The following MAP2 variants were observed in gnomAD, a reference collection of about 807,000 sequenced individuals.
The protein encoded by MAP2 is microtubule-associated protein 2.
Under a neutral mutation model 137.6 loss-of-function variants are expected in MAP2, and 14 were observed. That is an observed-to-expected ratio of 0.10 (90% CI 0.07 to 0.16). The LOEUF is 0.16. MAP2 is among the 10% of genes least tolerant of loss of function. The probability of loss-of-function intolerance (pLI) is 1.00; values close to 1 mark genes in which losing one functional copy is unlikely to be tolerated. For synonymous variants in MAP2, 786 were observed against 782.3 expected (o/e 1.00, Z -0.08); for missense variants, 2,088 against 2,191.5 (o/e 0.95, Z 0.94).
intron 2 of MAP2, among the ~76,000 whole-genome samples, chr2:209,526,491 T>C (rs2064072373): frequency 6.6e-6 from 1 of 151,538 alleles, no homozygotes; most frequent in Non-Finnish European, 1.5e-5. Context: ...TTGGTTTGTT[T>C]CTTTATTTTT....
At chr2:209,631,005 C>CAAAAAAAAAAA (rs776266690) in intron 4 of MAP2, among the ~76,000 whole-genome samples, 913 of 42,134 alleles carry the variant, frequency 0.022, 393 homozygotes, top group Middle Eastern at 0.048. Context: ...GAGCTACAAG[C>CAAAAAAAAAAA]AAAAAAAAAA....
intron 1 of MAP2, among the ~76,000 whole-genome samples, chr2:209,497,063 T>A (rs948866834): frequency 2.0e-5 from 3 of 152,172 alleles, no homozygotes; most frequent in Non-Finnish European, 2.9e-5. Context: ...ATTAGAGGTG[T>A]GAGCCACCAT....
At chr2:209,656,375 G>A (rs1052115924) in intron 5 of MAP2, among the ~76,000 whole-genome samples, 3 of 152,018 alleles carry the variant, frequency 2.0e-5, no homozygotes, top group African/African-American at 4.8e-5. Flanking sequence ...CGGGTATGAT[G>A]TCACACACCT....
intron 13 of MAP2, 22 bp downstream of exon 13, chr2:209,710,276 A>G: frequency 6.6e-7 from 1 of 1,521,822 alleles, no homozygotes; most frequent in Non-Finnish European, 8.9e-7. Flanking sequence ...ATGAACACAT[A>G]TTTGCTGCCA....
intron 2 of MAP2, among the ~76,000 whole-genome samples, chr2:209,540,077 G>A (rs1288348022): frequency 7.0e-6 from 1 of 143,828 alleles, no homozygotes; most frequent in Non-Finnish European, 1.5e-5. Flanking sequence ...CTCGAGACTG[G>A]GTGACAGAGG....
Position 209,532,583 on chromosome 2 carries a change from C to G in MAP2, c.-172+24942C>G, listed in dbSNP as rs144208797. On this transcript the variant is annotated intron_variant, in intron 2 of 15. Transcript: ENST00000682079. Reference sequence around the variant, plus strand: ...CAGTCTGAAATCCAGTGCCTGCCCTCTAAAGTATACTATGATGCCTATGTG... The same window carrying G: ...CAGTCTGAAATCCAGTGCCTGCCCTGTAAAGTATACTATGATGCCTATGTG... Among the ~76,000 whole-genome samples, 17 of 152,270 alleles carry G rather than the reference C, an allele frequency of 1.1e-4. No homozygotes were observed. In the East Asian group the frequency reaches 3.3e-3, roughly 29 times the overall value.
chr2:209,584,427 T>C (rs1005517988), intron 3 of MAP2, among the ~76,000 whole-genome samples: 1 of 152,176 alleles, frequency 6.6e-6, no homozygotes, highest in African/African-American at 2.4e-5. Context: ...GAAGATAAAG[T>C]TGTATCATAC....
At chr2:209,516,001 C>A (rs570443982) in intron 2 of MAP2, among the ~76,000 whole-genome samples, 5 of 152,004 alleles carry the variant, frequency 3.3e-5, no homozygotes, top group Non-Finnish European at 7.4e-5. Flanking sequence ...CATTATGTTG[C>A]CTAGGCTGGT....
intron 1 of MAP2, among the ~76,000 whole-genome samples, chr2:209,449,498 G>T (rs1292578558): frequency 2.0e-5 from 3 of 151,970 alleles, no homozygotes; most frequent in Non-Finnish European, 2.9e-5. Flanking sequence ...TGAACATACT[G>T]TCTAAAATGC....
rs1456067423 is a variant in MAP2 at position 209,694,577 on chromosome 2, G to A, written c.2407G>A (p.Ala803Thr). 1 of 1,613,824 alleles carries A rather than the reference G, an allele frequency of 6.2e-7. No homozygotes were observed. Among genetic ancestry groups the A allele is most frequent in the Non-Finnish European group, 8.5e-7 (1 of 1,179,918 alleles). The change falls in exon 8 of 16, where the codon GCA becomes ACA. Residue 803 changes from alanine to threonine, a missense_variant. Ala to Thr is a moderately conservative substitution (Grantham distance 58, BLOSUM62 0). Around this residue, in one of 6 missense-constraint regions of MAP2, gnomAD observed 500 missense variants for 482.9 expected, o/e 1.04. Coordinates refer to ENST00000682079, the MANE Select transcript of MAP2 (RefSeq NM_001375505.1). ...KDFYKNGTVMAPDLPEMLDLA... is the reference protein window; with the variant it reads ...KDFYKNGTVMTPDLPEMLDLA... Reference sequence around the variant, plus strand: ...TTTTTACAAAAATGGTACTGTCATGGCACCTGACCTTCCTGAAATGCTAGA... The same window carrying A: ...TTTTTACAAAAATGGTACTGTCATGACACCTGACCTTCCTGAAATGCTAGA...
At chr2:209,490,279 G>A (rs748499155) in intron 1 of MAP2, among the ~76,000 whole-genome samples, 25 of 152,016 alleles carry the variant, frequency 1.6e-4, no homozygotes, top group African/African-American at 4.1e-4. Context: ...TGATGGAAGC[G>A]CTAAATGTAG....
At chr2:209,427,501 A>G (rs894009716) in intron 1 of MAP2, among the ~76,000 whole-genome samples, 1 of 152,100 alleles carries the variant, frequency 6.6e-6, no homozygotes, top group African/African-American at 2.4e-5. Flanking sequence ...CTTTTCATGT[A>G]AGGACTGTAT....
chr2:209,705,468 T>A (rs2063134722), intron 11 of MAP2, 112 bp from the exon 12 acceptor site: 1 of 774,180 alleles, frequency 1.3e-6, no homozygotes. Flanking sequence ...CAGTAGTTTG[T>A]ATTAAAAGAA....
chr2:209,733,687 G>A lies in MAP2; in HGVS notation c.*3290G>A, dbSNP rs928752309. ...TAGAGATAAAGTAGATTCATGGCTTGGTAAGGAAATTTTAAGCATTCCTTC... is the reference window on the plus strand; with the variant it reads ...TAGAGATAAAGTAGATTCATGGCTTAGTAAGGAAATTTTAAGCATTCCTTC... On this transcript the variant is annotated 3_prime_UTR_variant, in exon 16 of 16. Transcript: ENST00000682079. 6.6e-6 allele frequency: 1 copy of A among 151,998 alleles called. No homozygotes were observed. The highest frequency in any genetic ancestry group is 6.5e-5 in the Admixed American group (1 of 15,272). 9.4% of individuals were successfully genotyped at this position (151,998 alleles called of 1,614,324 possible). A position where few individuals can be genotyped will look rare whatever the true frequency, so the allele number is the denominator to read the frequency against.
chr2:209,456,142 A>T, intron 1 of MAP2, among the ~76,000 whole-genome samples: 1 of 152,172 alleles, frequency 6.6e-6, no homozygotes, highest in East Asian at 1.9e-4. Flanking sequence ...AATGAACCTT[A>T]TCATGTGGTA....
At chr2:209,466,214 A>G (rs1575485145) in intron 1 of MAP2, among the ~76,000 whole-genome samples, 1 of 152,298 alleles carries the variant, frequency 6.6e-6, no homozygotes, top group East Asian at 1.9e-4. Flanking sequence ...TAATGCCTAC[A>G]TTTGTCACCT....
intron 1 of MAP2, among the ~76,000 whole-genome samples, chr2:209,429,350 G>C (rs1693595332): frequency 1.3e-5 from 2 of 150,414 alleles, no homozygotes; most frequent in African/African-American, 2.5e-5. Flanking sequence ...TTATTATTTT[G>C]TTCATCAGAC....
intron 3 of MAP2, among the ~76,000 whole-genome samples, chr2:209,595,767 A>G (rs1339841810): frequency 1.3e-5 from 2 of 152,216 alleles, no homozygotes; most frequent in South Asian, 4.1e-4. Context: ...ATGGAATACT[A>G]TGCAGCCATA....
intron 1 of MAP2, among the ~76,000 whole-genome samples, chr2:209,490,721 TAA>T (rs2059003170): frequency 6.8e-6 from 1 of 147,152 alleles, no homozygotes; most frequent in Non-Finnish European, 1.5e-5. Context: ...TACGTAATGG[TAA>T]AGAGATCAAT....
Sources: gnomAD v4.1 joint callset for allele counts (sites outside exome capture counted in the v4.1 genomes callset) on GRCh38, gnomAD v4.1.1 for gene constraint, gnomAD v4.1.1 regional missense constraint, MANE v1.5 for transcripts, NCBI Gene and HGNC (gene_info 2026-07-23, HGNC 2026-07-21) for gene names.